The following SSBP2 variants were observed in gnomAD, a reference collection of about 807,000 sequenced individuals.
The protein encoded by SSBP2 is single-stranded DNA-binding protein 2.
A neutral mutation model predicts 61.8 loss-of-function variants in SSBP2; 17 were observed. The ratio of observed to expected loss-of-function variants is 0.28; its 90% CI spans 0.19 to 0.41. The LOEUF is 0.41. Ranked by LOEUF, SSBP2 falls within the 10% of genes least tolerant of loss-of-function variation. The pLI is 1.00. For missense variants in SSBP2, 310 were observed against 458.7 expected, an observed-to-expected ratio of 0.68 and a Z score of 2.96; for synonymous variants, 139 against 141.3, an observed-to-expected ratio of 0.98 and a Z score of 0.12.
chr5:81,598,873 AT>A (rs1386494780), intron 4 of SSBP2, among the ~76,000 whole-genome samples: 1 of 152,128 alleles, frequency 6.6e-6, no homozygotes, highest in Non-Finnish European at 1.5e-5. Context: ...ATGGTTTATG[AT>A]TTACCAAACC....
At chr5:81,625,653 G>A (rs903937746) in intron 3 of SSBP2, among the ~76,000 whole-genome samples, 1 of 152,030 alleles carries the variant, frequency 6.6e-6, no homozygotes, top group African/African-American at 2.4e-5. Flanking sequence ...AGAAAATACG[G>A]CATTCCCAAG....
In SSBP2 at chr5:81,417,298, A is replaced by G. The variant is rs2153874628; in HGVS notation, c.*3206T>C. On this transcript the variant is annotated 3_prime_UTR_variant, in exon 17 of 17. Transcript: ENST00000320672. Reference sequence around the variant, plus strand: ...TGTGTTGTATTACAAGATCAATGACACCCTACAGCCTTTGTTCCCATGGGC... The same window carrying G: ...TGTGTTGTATTACAAGATCAATGACGCCCTACAGCCTTTGTTCCCATGGGC... 1 of 152,292 alleles carries G rather than the reference A, an allele frequency of 6.6e-6. No individual in the cohort carries two copies. Among genetic ancestry groups the G allele is most frequent in the South Asian group, 2.1e-4 (1 of 4,820 alleles). 9.4% of individuals were successfully genotyped at this position (152,292 alleles called of 1,614,324 possible). A position where few individuals can be genotyped will look rare whatever the true frequency, so the allele number is the denominator to read the frequency against.
At chr5:81,494,874 C>G (rs1189500464) in intron 5 of SSBP2, among the ~76,000 whole-genome samples, 1 of 151,970 alleles carries the variant, frequency 6.6e-6, no homozygotes, top group Admixed American at 6.6e-5. Flanking sequence ...TCATTTTCTC[C>G]AAGTAGTCTT....
intron 1 of SSBP2, among the ~76,000 whole-genome samples, chr5:81,661,743 T>A (rs1172705058): frequency 6.6e-6 from 1 of 152,224 alleles, no homozygotes; most frequent in East Asian, 1.9e-4. Context: ...ATTTTTGATA[T>A]TAACCCCTTA....
chr5:81,504,571 C>T (rs1048780286), intron 5 of SSBP2, among the ~76,000 whole-genome samples: 2 of 152,132 alleles, frequency 1.3e-5, no homozygotes, highest in Admixed American at 1.3e-4. Context: ...CCCTCTCTTC[C>T]TTCAGGTCTT....
At chr5:81,437,508 T>C in intron 14 of SSBP2, 50 bp from the exon 15 acceptor site, 1 of 1,465,458 alleles carries the variant, frequency 6.8e-7, no homozygotes, top group Non-Finnish European at 9.4e-7. Context: ...ATTTCATTTA[T>C]AAATTAAACA....
intron 4 of SSBP2, among the ~76,000 whole-genome samples, chr5:81,553,169 C>A (rs1772336647): frequency 6.6e-6 from 1 of 152,124 alleles, no homozygotes; most frequent in South Asian, 2.1e-4. Flanking sequence ...TTACCTTCCT[C>A]AATATGGATT....
At chr5:81,750,865 G>C in intron 1 of SSBP2, 116 bp downstream of exon 1, 60 of 1,063,270 alleles carry the variant, frequency 5.6e-5, no homozygotes, top group East Asian at 9.5e-5. Flanking sequence ...CCCCCTGCCA[G>C]CCCACCCCCG....
chr5:81,726,847 C>G (rs1252276381), intron 1 of SSBP2, among the ~76,000 whole-genome samples: 2 of 152,160 alleles, frequency 1.3e-5, no homozygotes, highest in Non-Finnish European at 2.9e-5. Flanking sequence ...AACACTTTCA[C>G]AGCATTAATT....
intron 4 of SSBP2, among the ~76,000 whole-genome samples, chr5:81,579,782 A>G (rs1050585187): frequency 3.3e-5 from 5 of 152,132 alleles, no homozygotes; most frequent in African/African-American, 1.2e-4. Flanking sequence ...TACCTAGTGA[A>G]TGAGTACTTT....
At chr5:81,539,043 C>T (rs1432445402) in intron 4 of SSBP2, among the ~76,000 whole-genome samples, 2 of 152,132 alleles carry the variant, frequency 1.3e-5, no homozygotes, top group Non-Finnish European at 2.9e-5. Flanking sequence ...ATAGTGAATC[C>T]TTCGATGGGT....
At chr5:81,568,215 T>C (rs753163531) in intron 4 of SSBP2, among the ~76,000 whole-genome samples, 4 of 152,138 alleles carry the variant, frequency 2.6e-5, no homozygotes, top group African/African-American at 7.2e-5. Context: ...TTCCCACGTA[T>C]TGTGGAAGGG....
chr5:81,729,019 T>C (rs1183198745), intron 1 of SSBP2, among the ~76,000 whole-genome samples: 3 of 152,240 alleles, frequency 2.0e-5, no homozygotes, highest in Non-Finnish European at 2.9e-5. Context: ...AAATGATAGG[T>C]AAGAGAGGTG....
chr5:81,656,669 G>GT (rs1353459745), intron 1 of SSBP2, among the ~76,000 whole-genome samples: 1 of 150,574 alleles, frequency 6.6e-6, no homozygotes, highest in African/African-American at 2.4e-5. Flanking sequence ...AATGAGCAAG[G>GT]TAAGAAAATG....
intron 5 of SSBP2, among the ~76,000 whole-genome samples, chr5:81,506,214 T>C (rs1311793490): frequency 6.6e-6 from 1 of 152,172 alleles, no homozygotes; most frequent in African/African-American, 2.4e-5. Context: ...AGAATCTGTG[T>C]TCTTTAAAGA....
At chr5:81,735,073 T>C (rs986966581) in intron 1 of SSBP2, among the ~76,000 whole-genome samples, 3 of 151,720 alleles carry the variant, frequency 2.0e-5, no homozygotes, top group South Asian at 2.1e-4. Context: ...AAATTAATGA[T>C]CAAAGCACTT....
chr5:81,581,038 A>T (rs1460590939), intron 4 of SSBP2, among the ~76,000 whole-genome samples: 1 of 152,204 alleles, frequency 6.6e-6, no homozygotes, highest in Non-Finnish European at 1.5e-5. Flanking sequence ...AGAGAAAGTT[A>T]CGTAAAAGTG....
In SSBP2 at chr5:81,561,263, A is replaced by G. The variant is rs558211945; in HGVS notation, c.283-47546T>C. Among the ~76,000 whole-genome samples, 160 of 152,186 alleles carry G rather than the reference A, an allele frequency of 1.1e-3. 1 individual carries two copies. Among genetic ancestry groups the G allele is most frequent in the Admixed American group, 2.2e-3 (33 of 15,286 alleles). ...CAAAGAGACTGAGAATAGAAAAAGA[A>G]AACAAAATTTTTGCTAATGGTGTTT... On this transcript the variant is annotated intron_variant, in intron 4 of 16. Transcript: ENST00000320672.
At chr5:81,475,964 C>T (rs953825672) in intron 6 of SSBP2, among the ~76,000 whole-genome samples, 1 of 152,062 alleles carries the variant, frequency 6.6e-6, no homozygotes, top group Non-Finnish European at 1.5e-5. Flanking sequence ...TATAATTTCA[C>T]ATGTATAATT....
Sources: gnomAD v4.1 joint callset for allele counts (sites outside exome capture counted in the v4.1 genomes callset) on GRCh38, gnomAD v4.1.1 for gene constraint, MANE v1.5 for transcripts, NCBI Gene and HGNC (gene_info 2026-07-23, HGNC 2026-07-21) for gene names.